The following LTBP1 variants were observed in gnomAD, a reference collection of about 807,000 sequenced individuals.
The protein encoded by LTBP1 is latent-transforming growth factor beta-binding protein 1.
A neutral mutation model predicts 207.6 loss-of-function variants in LTBP1; 129 were observed. The observed-to-expected ratio is 0.62, with a 90% CI of 0.54 to 0.72. The LOEUF (loss-of-function observed/expected upper bound fraction) is 0.72, where lower values mean the gene tolerates loss of function less well. Among genes scored for constraint, LTBP1 ranks in the 30% least tolerant of loss-of-function variants. The pLI, the probability that LTBP1 is intolerant of heterozygous loss-of-function variation, is 0.00. For missense variants in LTBP1, 2,281 were observed against 2,217.2 expected, an observed-to-expected ratio of 1.03 and a Z score of -0.58; for synonymous variants, 963 against 833.7, an observed-to-expected ratio of 1.16 and a Z score of -2.67.
intron 13 of LTBP1, among the ~76,000 whole-genome samples, chr2:33,261,100 A>G (rs2092996968): frequency 6.6e-6 from 1 of 152,164 alleles, no homozygotes; most frequent in African/African-American, 2.4e-5. Flanking sequence ...TTGGTCAGAA[A>G]CCGAATTAGG....
intron 22 of LTBP1, among the ~76,000 whole-genome samples, chr2:33,302,862 A>G (rs1191962970): frequency 6.6e-6 from 1 of 151,936 alleles, no homozygotes; most frequent in Non-Finnish European, 1.5e-5. Flanking sequence ...CAGGAGGTCA[A>G]GACCAGCCTG....
intron 31 of LTBP1, among the ~76,000 whole-genome samples, chr2:33,377,970 G>A (rs564495977): frequency 6.6e-6 from 1 of 152,106 alleles, no homozygotes; most frequent in South Asian, 2.1e-4. Context: ...CACCAGGTCG[G>A]GATTACAATT....
At chr2:33,356,646 TCAAAAAA>T (rs536048263) in intron 26 of LTBP1, among the ~76,000 whole-genome samples, 142 of 152,240 alleles carry the variant, frequency 9.3e-4, no homozygotes, top group African/African-American at 3.2e-3. Context: ...TGAGTCTGTC[TCAAAAAA>T]CAAAAAACAA....
intron 3 of LTBP1, among the ~76,000 whole-genome samples, chr2:33,087,778 A>T (rs944422024): frequency 5.9e-5 from 9 of 152,224 alleles, no homozygotes; most frequent in African/African-American, 2.2e-4. Context: ...ATTATTTGTT[A>T]AGTGCATTTC....
intron 2 of LTBP1, among the ~76,000 whole-genome samples, chr2:32,975,138 A>T (rs1198896096): frequency 6.6e-6 from 1 of 152,186 alleles, no homozygotes; most frequent in African/African-American, 2.4e-5. Context: ...CGTATGATGC[A>T]TAGTTTGGCT....
chr2:33,169,505 G>C (rs191716462), intron 5 of LTBP1, among the ~76,000 whole-genome samples: 2 of 152,248 alleles, frequency 1.3e-5, no homozygotes, highest in Admixed American at 6.5e-5. Flanking sequence ...GGAATGAGTT[G>C]AATAATTAAG....
Position 32,952,719 on chromosome 2 carries a change from C to T in LTBP1, c.565+3774C>T, listed in dbSNP as rs528737437. On this transcript the variant is annotated intron_variant, in intron 2 of 33. Transcript: ENST00000404816. Reference sequence around the variant, plus strand: ...TCTGCCAGTCTTTTTGCCCCCGTCTCAGGGTAAGTGCAGGCCAGACAGAGA... The same window carrying T: ...TCTGCCAGTCTTTTTGCCCCCGTCTTAGGGTAAGTGCAGGCCAGACAGAGA... Among the ~76,000 whole-genome samples, 5 of 152,214 alleles carry T rather than the reference C, an allele frequency of 3.3e-5. No individual in the cohort carries two copies. The South Asian group carries it at 1.0e-3, about 32-fold the overall frequency.
At chr2:33,243,529 C>T in intron 9 of LTBP1, 133 bp from the exon 10 acceptor site, 1 of 711,008 alleles carries the variant, frequency 1.4e-6, no homozygotes, top group African/African-American at 1.8e-5. Flanking sequence ...TAAGATTATT[C>T]ACACCTGCTA....
chr2:33,158,147 A>C (rs1484251103), intron 5 of LTBP1, among the ~76,000 whole-genome samples: 2 of 119,978 alleles, frequency 1.7e-5, no homozygotes, highest in South Asian at 5.7e-4. Context: ...CAAAAAAAAA[A>C]CAAAAAAAAA....
intron 10 of LTBP1, among the ~76,000 whole-genome samples, chr2:33,244,139 G>T (rs767452754): frequency 1.3e-5 from 2 of 152,084 alleles, no homozygotes; most frequent in South Asian, 2.1e-4. Context: ...TCATAAATAC[G>T]GTATTTTAAG....
At chr2:33,080,014 A>G (rs1431145943) in intron 3 of LTBP1, among the ~76,000 whole-genome samples, 1 of 151,882 alleles carries the variant, frequency 6.6e-6, no homozygotes. Flanking sequence ...GGCAGAGACC[A>G]CTTTTTTGTT....
rs1187189074 is a variant in LTBP1, at chr2:32,999,591, C to T, written c.566-21318C>T. On this transcript the variant is annotated intron_variant, in intron 2 of 33. Transcript: ENST00000404816. ...GGAGGGAAGGCTCAAGTCTCCCTGC[C>T]TCAAAAAGATCCAGAGGCGGCTGGG... Among the ~76,000 whole-genome samples the T allele has an allele frequency of 8.9e-5, 12 of 134,410 alleles. 3 individuals are homozygous for T. The highest frequency in any genetic ancestry group is 1.8e-4 in the African/African-American group (7 of 38,576). 88.2% of individuals were successfully genotyped at this position (134,410 alleles called of 152,430 possible).
chr2:32,949,005 A>G, intron 2 of LTBP1, 60 bp downstream of exon 2: 1 of 1,541,252 alleles, frequency 6.5e-7, no homozygotes, highest in Non-Finnish European at 9.0e-7. Context: ...AGGTGTCCAC[A>G]TGGGGGCATC....
intron 5 of LTBP1, 66 bp downstream of exon 5, chr2:33,135,026 A>G (rs2082031186): frequency 1.4e-6 from 2 of 1,469,734 alleles, no homozygotes; most frequent in South Asian, 1.4e-5. Flanking sequence ...TAGCATTTAG[A>G]CACCCCCTCC....
chr2:33,168,399 C>CAAAAAAAAAAA (rs10616798), intron 5 of LTBP1, among the ~76,000 whole-genome samples: 1 of 103,810 alleles, frequency 9.6e-6, no homozygotes, highest in Non-Finnish European at 2.0e-5. Flanking sequence ...GTCTTTGTCT[C>CAAAAAAAAAAA]AAAAAAAAAA....
chr2:32,958,041 T>A (rs1385461333), intron 2 of LTBP1, among the ~76,000 whole-genome samples: 4 of 152,180 alleles, frequency 2.6e-5, no homozygotes, highest in Non-Finnish European at 1.5e-5. Context: ...CCTTACTTGG[T>A]CTCAGTTTGG....
chr2:33,119,082 C>A (rs1268908762), intron 4 of LTBP1, among the ~76,000 whole-genome samples: 1 of 151,900 alleles, frequency 6.6e-6, no homozygotes, highest in African/African-American at 2.4e-5. Context: ...AAGAAACAAG[C>A]AAATTCAAGG....
intron 2 of LTBP1, among the ~76,000 whole-genome samples, chr2:32,981,056 T>C (rs1682689177): frequency 6.6e-6 from 1 of 152,190 alleles, no homozygotes; most frequent in African/African-American, 2.4e-5. Flanking sequence ...TTTGAGGTCA[T>C]CTTTGGGTTA....
chr2:33,051,169 C>T (rs1461689672), intron 3 of LTBP1, among the ~76,000 whole-genome samples: 1 of 152,070 alleles, frequency 6.6e-6, no homozygotes, highest in Non-Finnish European at 1.5e-5. Flanking sequence ...GTGATCACAG[C>T]GCTTTAGGAG....
Sources: gnomAD v4.1 joint callset for allele counts (sites outside exome capture counted in the v4.1 genomes callset) on GRCh38, gnomAD v4.1.1 for gene constraint, MANE v1.5 for transcripts, NCBI Gene and HGNC (gene_info 2026-07-23, HGNC 2026-07-21) for gene names.